Variants in PALMD observed in about 807,000 individuals in gnomAD.
PALMD encodes the protein paralemmin-like protein.
A neutral mutation model predicts 56.2 loss-of-function variants in PALMD; 42 were observed. The observed-to-expected ratio is 0.75, with a 90% CI of 0.58 to 0.97. The LOEUF (loss-of-function observed/expected upper bound fraction) is 0.97, where lower values mean the gene tolerates loss of function less well. Among genes scored for constraint, PALMD ranks in the 50% least tolerant of loss-of-function variants. The probability of loss-of-function intolerance (pLI) is 0.00; values close to 1 mark genes in which losing one functional copy is unlikely to be tolerated. For missense variants in PALMD, 660 were observed against 643.8 expected, an observed-to-expected ratio of 1.03 and a Z score of -0.27; for synonymous variants, 242 against 222.9, an observed-to-expected ratio of 1.09 and a Z score of -0.76.
chr1:99,671,512 T>C (rs1653086861), intron 3 of PALMD, among the ~76,000 whole-genome samples: 1 of 152,122 alleles, frequency 6.6e-6, no homozygotes, highest in Admixed American at 6.6e-5. Flanking sequence ...TACTAAAAGG[T>C]GAAATTAGAA....
chr1:99,689,232 G>A lies in PALMD; in HGVS notation c.972G>A (p.Pro324=), dbSNP rs145694277. Residue 324 remains proline (P), a synonymous_variant, in exon 7 of 8, where the codon CCG becomes CCA. Transcript: ENST00000263174. ...GNNFNHISPI[P]PVPHPRSVIQ... is the part of the protein sequence containing the mutation. ...ACTTCAATCACATCAGTCCCATTCCGCCAGTGCCTCATCCCCGATCAGTGA... is the reference window on the plus strand; with the variant it reads ...ACTTCAATCACATCAGTCCCATTCCACCAGTGCCTCATCCCCGATCAGTGA... 13 of 1,613,340 alleles carry A rather than the reference G, an allele frequency of 8.1e-6. No homozygotes were observed. Among genetic ancestry groups the A allele is most frequent in the African/African-American group, 6.7e-5 (5 of 74,754 alleles).
intron 1 of PALMD, among the ~76,000 whole-genome samples, chr1:99,660,084 T>C (rs1214920981): frequency 1.3e-5 from 2 of 152,210 alleles, no homozygotes; most frequent in African/African-American, 4.8e-5. Context: ...TGCTCTTCTC[T>C]ATGGGCTTTT....
intron 3 of PALMD, chr1:99,669,896 C>G (rs981875436): frequency 6.6e-6 from 1 of 152,062 alleles, no homozygotes; most frequent in Non-Finnish European, 1.5e-5. Context: ...ATATATTGTC[C>G]CATTTAATCT....
chr1:99,686,057 A>G (rs541775161), intron 3 of PALMD: 1 of 152,154 alleles, frequency 6.6e-6, no homozygotes, highest in Non-Finnish European at 1.5e-5. Context: ...TGTAGCCTCT[A>G]TAAACAGCAG....
chr1:99,691,216 T>C (rs576600566), intron 7 of PALMD, among the ~76,000 whole-genome samples: 1 of 152,258 alleles, frequency 6.6e-6, no homozygotes, highest in East Asian at 1.9e-4. Context: ...ACAGAAGACT[T>C]AGAAGAGAGG....
intron 1 of PALMD, among the ~76,000 whole-genome samples, chr1:99,648,132 C>T (rs1476505305): frequency 1.3e-5 from 2 of 152,180 alleles, no homozygotes; most frequent in African/African-American, 4.8e-5. Context: ...AAACAAATCT[C>T]CCAAGTAAGA....
chr1:99,683,086 GAGAGAAAGAAAGAAAGAAAGAA>G (rs1245879098), intron 3 of PALMD, among the ~76,000 whole-genome samples: 199 of 16,466 alleles, frequency 0.012, 2 homozygotes, highest in South Asian at 0.019. Flanking sequence ...GAGAGAGAGA[GAGAGAAAGAAAGAAAGAAAGAA>G]AGAAAGAAAG....
intron 2 of PALMD, among the ~76,000 whole-genome samples, chr1:99,664,733 C>T (rs915597627): frequency 6.6e-6 from 1 of 152,194 alleles, no homozygotes; most frequent in African/African-American, 2.4e-5. Flanking sequence ...CTCTGTTGGC[C>T]TCTATAGCCT....
At chr1:99,664,905 A>G (rs1652926503) in intron 2 of PALMD, among the ~76,000 whole-genome samples, 1 of 152,192 alleles carries the variant, frequency 6.6e-6, no homozygotes, top group Non-Finnish European at 1.5e-5. Context: ...ACATTTCAAA[A>G]TAGTTGTAGT....
intron 3 of PALMD, among the ~76,000 whole-genome samples, chr1:99,671,935 C>T (rs1653097553): frequency 1.3e-5 from 2 of 152,138 alleles, no homozygotes; most frequent in African/African-American, 2.4e-5. Flanking sequence ...TAAAATTGCA[C>T]CTCAGAGCCT....
chr1:99,662,530 C>A, intron 2 of PALMD, 131 bp downstream of exon 2: 2 of 652,752 alleles, frequency 3.1e-6, no homozygotes, highest in Admixed American at 3.1e-5. Flanking sequence ...TTGTAATAAC[C>A]ATAGGGGAGG....
At position 99,672,002 on chromosome 1, in the gene PALMD, T is replaced by A. The variant is rs184148504; in HGVS notation, c.251+4236T>A. On this transcript the variant is annotated intron_variant, in intron 3 of 7. Coordinates refer to ENST00000263174, the MANE Select transcript of PALMD (RefSeq NM_017734.5). Reference sequence around the variant, plus strand: ...AAACTCTATACTTTTATAGCATTTTTAAGTTTCCAATCTATGCTACAATTT... The same window carrying A: ...AAACTCTATACTTTTATAGCATTTTAAAGTTTCCAATCTATGCTACAATTT... Among the ~76,000 whole-genome samples, 33 of 152,354 alleles carry A rather than the reference T, an allele frequency of 2.2e-4. 1 individual carries two copies. In the East Asian group the frequency reaches 6.0e-3, roughly 28 times the overall value.
rs766530859 is a variant in PALMD at position 99,689,141 on chromosome 1, T to C, written c.881T>C (p.Leu294Pro). The change falls in exon 7 of 8, where the codon CTG (leucine) becomes CCG (proline). Residue 294 changes from leucine to proline, a missense_variant. Physicochemically the swap from Leu to Pro is moderately conservative, Grantham distance 98. Coordinates refer to ENST00000263174, the MANE Select transcript of PALMD (RefSeq NM_017734.5). ...QERIKIKTNG[L>P]GIGVNESIHN... The stretch of plus-strand genomic sequence containing the variant: ...AGGATAAAGATTAAAACTAATGGAC[T>C]GGGTATTGGTGTAAATGAATCCATA... The C allele has an allele frequency of 5.6e-6, 9 of 1,613,552 alleles. No homozygotes were observed. Among genetic ancestry groups the C allele is most frequent in the Non-Finnish European group, 7.6e-6 (9 of 1,179,774 alleles).
At chr1:99,665,736 G>C (rs964516505) in intron 2 of PALMD, among the ~76,000 whole-genome samples, 1 of 151,992 alleles carries the variant, frequency 6.6e-6, no homozygotes, top group South Asian at 2.1e-4. Context: ...ACTTCTATAG[G>C]TGTTACTGTC....
chr1:99,651,254 C>T (rs1032886175), intron 1 of PALMD, among the ~76,000 whole-genome samples: 4 of 152,206 alleles, frequency 2.6e-5, no homozygotes, highest in African/African-American at 9.6e-5. Flanking sequence ...CCAAACATAA[C>T]AGCCCACCCA....
intron 7 of PALMD, among the ~76,000 whole-genome samples, 182 bp from the exon 8 acceptor site, chr1:99,693,837 G>A (rs909063103): frequency 6.6e-6 from 1 of 152,074 alleles, no homozygotes; most frequent in Non-Finnish European, 1.5e-5. Flanking sequence ...ACCTGCTTCT[G>A]CCCTAAGTTA....
intron 1 of PALMD, among the ~76,000 whole-genome samples, chr1:99,649,113 G>T (rs188987170): frequency 1.3e-5 from 2 of 152,046 alleles, no homozygotes; most frequent in Admixed American, 1.3e-4. Context: ...CTTCAGTTTG[G>T]GTATACCAAA....
At chr1:99,662,278 A>C in intron 1 of PALMD, 41 bp from the exon 2 acceptor site, 1 of 1,099,118 alleles carries the variant, frequency 9.1e-7, no homozygotes, top group South Asian at 1.3e-5. Context: ...ATAATTAAGC[A>C]AATTTTAAAA....
intron 7 of PALMD, among the ~76,000 whole-genome samples, chr1:99,690,454 A>C (rs768695714): frequency 4.6e-5 from 7 of 152,122 alleles, no homozygotes; most frequent in Non-Finnish European, 8.8e-5. Context: ...AACTTTGCAT[A>C]GTGTTCCCCA....
Sources: allele counts gnomAD v4.1 joint callset (sites outside exome capture counted in the v4.1 genomes callset), GRCh38; gene constraint gnomAD v4.1.1; transcripts MANE v1.5; gene names NCBI Gene and HGNC (gene_info 2026-07-23, HGNC 2026-07-21).